Variants in CCSER1 observed in about 807,000 individuals in gnomAD.
The protein encoded by CCSER1 is serine-rich coiled-coil domain-containing protein 1.
CCSER1 carries 41 observed loss-of-function variants against 82.0 expected under a neutral mutation model. That is an observed-to-expected ratio of 0.50 (90% CI 0.39 to 0.65). CCSER1 has a LOEUF of 0.65. Ranked by LOEUF, CCSER1 falls within the 30% of genes least tolerant of loss-of-function variation. CCSER1 has a pLI of 0.00. For synonymous variants in CCSER1, 414 were observed against 383.9 expected (o/e 1.08, Z -0.92); for missense variants, 1,119 against 1,064.2 (o/e 1.05, Z -0.72).
intron 1 of CCSER1, among the ~76,000 whole-genome samples, chr4:90,256,878 T>C (rs1459792790): frequency 1.3e-5 from 2 of 152,148 alleles, no homozygotes; most frequent in African/African-American, 4.8e-5. Flanking sequence ...CACATTTATA[T>C]AACTTTTATT....
Position 90,524,409 on chromosome 4 carries a change from C to T in CCSER1, c.1724+56055C>T, listed in dbSNP as rs541593356. Among the ~76,000 whole-genome samples, 14 of 152,272 alleles carry T rather than the reference C, an allele frequency of 9.2e-5. No homozygotes were observed. The South Asian group carries it at 1.9e-3, about 20-fold the overall frequency. On this transcript the variant is annotated intron_variant, in intron 5 of 10. Coordinates refer to ENST00000509176, the MANE Select transcript of CCSER1 (RefSeq NM_001145065.2). ...AAAACAGTGGGATGTAGTTTCCAAACCACAAGTACCTTGTGTCTAATTCTT... is the reference window on the plus strand; with the variant it reads ...AAAACAGTGGGATGTAGTTTCCAAATCACAAGTACCTTGTGTCTAATTCTT...
At chr4:90,734,314 A>G (rs1024307804) in intron 7 of CCSER1, among the ~76,000 whole-genome samples, 1 of 151,850 alleles carries the variant, frequency 6.6e-6, no homozygotes. Flanking sequence ...TTTAGTAGAG[A>G]CGGGGTTTCA....
At chr4:90,502,478 G>A in intron 5 of CCSER1, among the ~76,000 whole-genome samples, 1 of 152,124 alleles carries the variant, frequency 6.6e-6, no homozygotes, top group East Asian at 1.9e-4. Flanking sequence ...GGTGCACAGA[G>A]CCAAACTATA....
intron 10 of CCSER1, among the ~76,000 whole-genome samples, chr4:91,151,236 G>A (rs1730161534): frequency 6.6e-6 from 1 of 152,056 alleles, no homozygotes; most frequent in Non-Finnish European, 1.5e-5. Context: ...ATTTCTTCTA[G>A]ATTTTCTAGT....
At chr4:91,097,574 T>C (rs181307608) in intron 10 of CCSER1, among the ~76,000 whole-genome samples, 143 of 152,332 alleles carry the variant, frequency 9.4e-4, no homozygotes, top group Admixed American at 8.8e-3. Flanking sequence ...TAAAAATGCT[T>C]CTTAAACATC....
chr4:90,512,297 G>C lies in CCSER1; in HGVS notation c.1724+43943G>C, dbSNP rs1198153515. ...TTGTCTCTGGTTGGTAAAATTTCTT[G>C]AATTCCAAGCAAAAAAAAAAAAGAA... On this transcript the variant is annotated intron_variant, in intron 5 of 10. Transcript: ENST00000509176. Among the ~76,000 whole-genome samples the C allele has an allele frequency of 2.8e-5, 4 of 142,030 alleles. No individual in the cohort carries two copies. In the South Asian group the frequency reaches 6.6e-4, roughly 23 times the overall value. 93.2% of individuals were successfully genotyped at this position (142,030 alleles called of 152,430 possible).
At chr4:90,543,111 T>A (rs1579065585) in intron 5 of CCSER1, among the ~76,000 whole-genome samples, 1 of 152,280 alleles carries the variant, frequency 6.6e-6, no homozygotes, top group East Asian at 1.9e-4. Flanking sequence ...GATTTTGAAC[T>A]AGGAGTTCAC....
At chr4:91,007,594 C>G (rs912163274) in intron 9 of CCSER1, among the ~76,000 whole-genome samples, 3 of 149,722 alleles carry the variant, frequency 2.0e-5, no homozygotes, top group Admixed American at 2.0e-4. Flanking sequence ...GTAATGTCTC[C>G]TTTTTAATCT....
At chr4:90,780,790 A>G (rs1753662884) in intron 7 of CCSER1, 4 of 1,140,498 alleles carry the variant, frequency 3.5e-6, no homozygotes, top group East Asian at 5.3e-5. Context: ...AAGTATCAAT[A>G]TTTCCATATA....
At chr4:90,854,586 T>C (rs1469462227) in intron 8 of CCSER1, among the ~76,000 whole-genome samples, 12 of 152,178 alleles carry the variant, frequency 7.9e-5, no homozygotes, top group African/African-American at 2.9e-4. Flanking sequence ...TGCTGAAATT[T>C]GGCCTGAATA....
intron 10 of CCSER1, among the ~76,000 whole-genome samples, chr4:91,465,849 A>C (rs1756866875): frequency 6.6e-6 from 1 of 152,176 alleles, no homozygotes; most frequent in Non-Finnish European, 1.5e-5. Flanking sequence ...TCTGAAATTT[A>C]GGCAATAATT....
intron 4 of CCSER1, among the ~76,000 whole-genome samples, chr4:90,432,436 G>A (rs1352953138): frequency 1.3e-5 from 2 of 152,122 alleles, no homozygotes; most frequent in Admixed American, 6.6e-5. Context: ...GTTACTTAAC[G>A]ACATTGTAAT....
intron 1 of CCSER1, among the ~76,000 whole-genome samples, chr4:90,166,460 T>C (rs1730473135): frequency 6.6e-6 from 1 of 151,896 alleles, no homozygotes; most frequent in East Asian, 1.9e-4. Context: ...TTGACATAAT[T>C]TTTTTTGGAA....
chr4:90,971,652 A>T (rs1216940550), intron 9 of CCSER1, among the ~76,000 whole-genome samples: 1 of 151,906 alleles, frequency 6.6e-6, no homozygotes, highest in African/African-American at 2.4e-5. Context: ...ATGCTTCAAA[A>T]CTCATATTAC....
At chr4:91,567,406 C>T (rs1762942325) in intron 10 of CCSER1, among the ~76,000 whole-genome samples, 1 of 151,842 alleles carries the variant, frequency 6.6e-6, no homozygotes, top group Non-Finnish European at 1.5e-5. Context: ...TCCATTTGGT[C>T]CAATGTTGAA....
At chr4:91,262,331 A>G (rs1741254413) in intron 10 of CCSER1, among the ~76,000 whole-genome samples, 1 of 152,126 alleles carries the variant, frequency 6.6e-6, no homozygotes, top group Admixed American at 6.5e-5. Flanking sequence ...GTTAGTAACT[A>G]TCATTATTAT....
intron 9 of CCSER1, among the ~76,000 whole-genome samples, chr4:90,933,037 AAAGAAAG>A: frequency 9.0e-6 from 1 of 111,272 alleles, no homozygotes; most frequent in South Asian, 2.5e-4. Flanking sequence ...AGAAAGAAAG[AAAGAAAG>A]AGAAGGAAGG....
At chr4:91,459,510 G>A (rs922494299) in intron 10 of CCSER1, among the ~76,000 whole-genome samples, 2 of 152,112 alleles carry the variant, frequency 1.3e-5, no homozygotes, top group Admixed American at 1.3e-4. Context: ...TAACAAGACC[G>A]AAGAGCTGTG....
intron 4 of CCSER1, among the ~76,000 whole-genome samples, chr4:90,423,540 T>A (rs1757039489): frequency 6.6e-6 from 1 of 151,716 alleles, no homozygotes; most frequent in South Asian, 2.1e-4. Flanking sequence ...GGTGATTCAT[T>A]TTCTTTTTTT....
Sources: allele counts gnomAD v4.1 joint callset (sites outside exome capture counted in the v4.1 genomes callset), GRCh38; gene constraint gnomAD v4.1.1; transcripts MANE v1.5; gene names NCBI Gene and HGNC (gene_info 2026-07-23, HGNC 2026-07-21).